The following SHLD1 variants were observed in gnomAD, a reference collection of about 807,000 sequenced individuals.
SHLD1 encodes shieldin complex subunit 1.
In SHLD1, 3 loss-of-function variants were observed where a neutral mutation model predicts 5.5. The ratio of observed to expected loss-of-function variants is 0.54; its 90% CI spans 0.25 to 1.40. SHLD1 has a LOEUF of 1.40. Among genes scored for constraint, SHLD1 ranks in the 40% most tolerant of loss-of-function variants. SHLD1 has a pLI of 0.15. For synonymous variants in SHLD1, 92 were observed against 94.3 expected (o/e 0.98, Z 0.14); for missense variants, 210 against 244.4 (o/e 0.86, Z 0.94).
intron 1 of SHLD1, among the ~76,000 whole-genome samples, chr20:5,757,340 G>A (rs1984176491): frequency 6.6e-6 from 1 of 151,904 alleles, no homozygotes; most frequent in South Asian, 2.1e-4. Context: ...ACCTCCCAAA[G>A]TGCCTGGTGT....
At chr20:5,815,838 T>A (rs1410246150) in intron 2 of SHLD1, among the ~76,000 whole-genome samples, 2 of 152,188 alleles carry the variant, frequency 1.3e-5, no homozygotes, top group Non-Finnish European at 2.9e-5. Context: ...CCCAGCACTT[T>A]GGGAGGCCAT....
intron 2 of SHLD1, among the ~76,000 whole-genome samples, chr20:5,827,127 A>T (rs929194075): frequency 9.4e-5 from 1 of 10,640 alleles, no homozygotes; most frequent in Non-Finnish European, 2.0e-4. Flanking sequence ...CAAAGGCATG[A>T]GTGGGCGTGG....
At chr20:5,779,661 A>C (rs1985598491) in intron 2 of SHLD1, among the ~76,000 whole-genome samples, 1 of 152,130 alleles carries the variant, frequency 6.6e-6, no homozygotes, top group African/African-American at 2.4e-5. Context: ...AAGGAAGTTG[A>C]TCTTCCAGGG....
intron 1 of SHLD1, among the ~76,000 whole-genome samples, chr20:5,771,089 G>C (rs1242496330): frequency 1.3e-5 from 2 of 152,160 alleles, no homozygotes; most frequent in African/African-American, 4.8e-5. Flanking sequence ...AGAGCACATG[G>C]GTTCTTTGCT....
chr20:5,775,922 G>GGTTTTTTTTTTTT (rs1391999872), intron 2 of SHLD1, among the ~76,000 whole-genome samples: 2 of 63,446 alleles, frequency 3.2e-5, no homozygotes, highest in Admixed American at 1.5e-4. Flanking sequence ...GTCAGCTCAG[G>GGTTTTTTTTTTTT]ATTTTTTTTT....
At chr20:5,825,336 C>G (rs982473768) in intron 2 of SHLD1, among the ~76,000 whole-genome samples, 7 of 152,222 alleles carry the variant, frequency 4.6e-5, no homozygotes, top group African/African-American at 1.7e-4. Context: ...TGGGTGGCTG[C>G]AGGCTCCTGG....
chr20:5,788,191 T>G lies in SHLD1; in HGVS notation c.178+15148T>G, dbSNP rs148682927. 3.5e-3 allele frequency among the ~76,000 whole-genome samples: 531 copies of G among 151,366 alleles called. 1 individual carries two copies. Among genetic ancestry groups the G allele is most frequent in the African/African-American group, 0.012 (483 of 40,734 alleles). ...TATTCCATATTTTAAGTATGTGAGG[T>G]TTTTTTCCTTCTTAAAAATAATACA... On this transcript the variant is annotated intron_variant, in intron 2 of 2. Transcript: ENST00000303142.
chr20:5,778,177 C>T (rs1167168039), intron 2 of SHLD1, among the ~76,000 whole-genome samples: 3 of 139,604 alleles, frequency 2.1e-5, no homozygotes, highest in African/African-American at 5.3e-5. Flanking sequence ...AGTGCAGTGG[C>T]GCGATCTCGG....
At chr20:5,760,660 T>G (rs1035826933) in intron 1 of SHLD1, among the ~76,000 whole-genome samples, 1 of 151,442 alleles carries the variant, frequency 6.6e-6, no homozygotes, top group Non-Finnish European at 1.5e-5. Context: ...GCCACTGCAC[T>G]CCAGCCTGGG....
intron 2 of SHLD1, among the ~76,000 whole-genome samples, chr20:5,793,863 G>A (rs185157289): frequency 6.0e-4 from 91 of 151,940 alleles, no homozygotes; most frequent in African/African-American, 2.1e-3. Context: ...ACATGCCACC[G>A]TGCCTGGCTA....
chr20:5,795,010 G>A (rs954298387), intron 2 of SHLD1, among the ~76,000 whole-genome samples: 118 of 152,042 alleles, frequency 7.8e-4, no homozygotes, highest in African/African-American at 2.7e-3. Flanking sequence ...AGACCAAGGT[G>A]GGCAGATCAT....
intron 1 of SHLD1, among the ~76,000 whole-genome samples, chr20:5,764,126 CAAAAA>C (rs766327106): frequency 2.5e-3 from 135 of 53,182 alleles, no homozygotes; most frequent in East Asian, 0.02. Context: ...GGCTCTGTCT[CAAAAA>C]AAAAAAAAAT....
rs2122518861 is a variant in SHLD1, at chr20:5,863,021, C to T, written c.179-3C>T. The T allele has an allele frequency of 6.3e-7, 1 of 1,575,128 alleles. No individual in the cohort carries two copies. Among genetic ancestry groups the T allele is most frequent in the East Asian group, 2.2e-5 (1 of 44,540 alleles). On this transcript the variant is annotated splice_polypyrimidine_tract_variant and splice_region_variant and intron_variant, in intron 2 of 2. Coordinates refer to ENST00000303142, the MANE Select transcript of SHLD1 (RefSeq NM_152504.4). ...GAGTATTGGAATACGTTTTGTCTTG[C>T]AGACACCAGTAACTTAAATATAGAA... is the stretch of plus-strand genomic sequence containing the variant.
At chr20:5,836,591 G>A (rs778344507) in intron 2 of SHLD1, among the ~76,000 whole-genome samples, 1 of 152,106 alleles carries the variant, frequency 6.6e-6, no homozygotes, top group Non-Finnish European at 1.5e-5. Context: ...CCGGATATTC[G>A]CATTGCCCGC....
intron 2 of SHLD1, among the ~76,000 whole-genome samples, chr20:5,859,209 A>G (rs909035397): frequency 6.6e-6 from 1 of 152,188 alleles, no homozygotes; most frequent in African/African-American, 2.4e-5. Context: ...GCAAATCAAC[A>G]TATTACAGTG....
intron 2 of SHLD1, among the ~76,000 whole-genome samples, chr20:5,860,294 G>GGCCA (rs759344522): frequency 1.4e-4 from 22 of 152,258 alleles, no homozygotes; most frequent in Non-Finnish European, 2.4e-4. Context: ...TATTAAAGTA[G>GGCCA]GCCAGCAAAG....
chr20:5,806,256 T>G lies in SHLD1; in HGVS notation c.178+33213T>G, dbSNP rs914955865. On this transcript the variant is annotated intron_variant, in intron 2 of 2. Transcript: ENST00000303142. The surrounding 1 kb of genome is among the most constrained non-coding windows in gnomAD (Gnocchi z 7.6). ...GTGGACACATAGTAGCTGACATAAG[T>G]GAGAATCTCCACCCACAAACTTTAA... Among the ~76,000 whole-genome samples, 9 of 152,236 alleles carry G rather than the reference T, an allele frequency of 5.9e-5. No individual in the cohort carries two copies. The highest frequency in any genetic ancestry group is 2.2e-4 in the African/African-American group (9 of 41,476).
intron 2 of SHLD1, among the ~76,000 whole-genome samples, chr20:5,854,014 T>TC (rs2088048375): frequency 1.3e-5 from 2 of 151,702 alleles, no homozygotes; most frequent in Non-Finnish European, 2.9e-5. Context: ...TAATTTTTTT[T>TC]TTTTTTTTTA....
Position 5,855,577 on chromosome 20 carries a change from G to C in SHLD1, c.179-7447G>C, listed in dbSNP as rs771545718. Among the ~76,000 whole-genome samples, 3 of 152,012 alleles carry C rather than the reference G, an allele frequency of 2.0e-5. No homozygotes were observed. The highest frequency in any genetic ancestry group is 2.9e-5 in the Non-Finnish European group (2 of 68,012). On this transcript the variant is annotated intron_variant, in intron 2 of 2. Coordinates refer to ENST00000303142, the MANE Select transcript of SHLD1 (RefSeq NM_152504.4). This position sits in a 1 kb window ranked among gnomAD's most constrained non-coding sequence, Gnocchi z 4.4. ...AGTAGATACAGGGTTTCATCATGTTGCCCAGGCTGGTCTTGAACTCCTGGG... is the reference window on the plus strand; with the variant it reads ...AGTAGATACAGGGTTTCATCATGTTCCCCAGGCTGGTCTTGAACTCCTGGG...
Sources: allele counts gnomAD v4.1 joint callset (sites outside exome capture counted in the v4.1 genomes callset), GRCh38; gene constraint gnomAD v4.1.1; non-coding constraint Gnocchi (gnomAD v3.1); transcripts MANE v1.5; gene names NCBI Gene and HGNC (gene_info 2026-07-23, HGNC 2026-07-21).